The following SPON1 variants were observed in gnomAD, a reference collection of about 807,000 sequenced individuals.
The protein encoded by SPON1 is spondin-1.
In SPON1, 52 loss-of-function variants were observed where a neutral mutation model predicts 111.7. That is an observed-to-expected ratio of 0.47 (90% CI 0.37 to 0.59). SPON1 has a LOEUF of 0.59. Among genes scored for constraint, SPON1 ranks in the 20% least tolerant of loss-of-function variants. The pLI, the probability that SPON1 is intolerant of heterozygous loss-of-function variation, is 0.00. For synonymous variants in SPON1, 410 were observed against 395.8 expected, an observed-to-expected ratio of 1.04 and a Z score of -0.43; for missense variants, 957 against 1,068.5, an observed-to-expected ratio of 0.90 and a Z score of 1.46.
chr11:14,053,645 A>G lies in SPON1; in HGVS notation c.479+11991A>G, dbSNP rs146660487. On this transcript the variant is annotated intron_variant, in intron 3 of 15. Coordinates refer to ENST00000576479, the MANE Select transcript of SPON1 (RefSeq NM_006108.4). ...TTCCTACATTAACTTTTCAGTCCCT[A>G]TTTTTTTAACCAGGAGATAATTGGC... is the stretch of plus-strand genomic sequence containing the variant. Among the ~76,000 whole-genome samples, 76 of 152,270 alleles carry G rather than the reference A, an allele frequency of 5.0e-4. 1 individual carries two copies. The highest frequency in any genetic ancestry group is 1.7e-3 in the African/African-American group (71 of 41,554).
At chr11:14,078,203 ATG>A (rs1175317078) in intron 4 of SPON1, among the ~76,000 whole-genome samples, 1 of 152,240 alleles carries the variant, frequency 6.6e-6, no homozygotes, top group African/African-American at 2.4e-5. Context: ...GAGCTTAAAA[ATG>A]TATTTTTCAA....
chr11:14,013,893 C>A (rs1848424143), intron 2 of SPON1, among the ~76,000 whole-genome samples: 1 of 152,170 alleles, frequency 6.6e-6, no homozygotes, highest in Non-Finnish European at 1.5e-5. Flanking sequence ...TTTCCCAAAC[C>A]TGTAGGGTGT....
At chr11:14,192,208 G>C (rs1554934628) in intron 6 of SPON1, among the ~76,000 whole-genome samples, 1 of 150,182 alleles carries the variant, frequency 6.7e-6, no homozygotes, top group African/African-American at 2.5e-5. Flanking sequence ...TAAAAATATT[G>C]GTAACAACTT....
chr11:13,970,339 G>A (rs781905776), intron 1 of SPON1, among the ~76,000 whole-genome samples: 1 of 152,154 alleles, frequency 6.6e-6, no homozygotes, highest in Admixed American at 6.5e-5. Context: ...GAAATGTTCA[G>A]GAAAACTTAA....
At chr11:14,234,061 C>T (rs1554939008) in intron 6 of SPON1, among the ~76,000 whole-genome samples, 1 of 152,142 alleles carries the variant, frequency 6.6e-6, no homozygotes, top group African/African-American at 2.4e-5. Flanking sequence ...ACCCGACCCC[C>T]AGTGCTGTTT....
chr11:14,232,215 A>C (rs1591420375), intron 6 of SPON1, among the ~76,000 whole-genome samples: 1 of 149,090 alleles, frequency 6.7e-6, no homozygotes, highest in African/African-American at 2.5e-5. Context: ...CCTCCCCCTC[A>C]CCCTTCCCGG....
At chr11:14,109,148 C>A (rs983401867) in intron 5 of SPON1, among the ~76,000 whole-genome samples, 1 of 152,188 alleles carries the variant, frequency 6.6e-6, no homozygotes, top group African/African-American at 2.4e-5. Context: ...CTTTACAACT[C>A]TTTGTGCCCT....
At chr11:13,989,822 G>A (rs1848213555) in intron 2 of SPON1, among the ~76,000 whole-genome samples, 2 of 152,170 alleles carry the variant, frequency 1.3e-5, no homozygotes, top group Admixed American at 1.3e-4. Context: ...TCATTCAGGA[G>A]CACGTTGTTC....
intron 5 of SPON1, among the ~76,000 whole-genome samples, chr11:14,119,624 G>A (rs1554926303): frequency 6.6e-6 from 1 of 152,160 alleles, no homozygotes; most frequent in East Asian, 1.9e-4. Flanking sequence ...GGAGGTGGAT[G>A]GAGAGTCTGT....
intron 1 of SPON1, among the ~76,000 whole-genome samples, chr11:13,966,005 G>C (rs896640952): frequency 4.6e-5 from 7 of 152,154 alleles, no homozygotes; most frequent in African/African-American, 1.2e-4. Flanking sequence ...CTTTGTGCCT[G>C]CTGTCTAAGT....
chr11:14,172,025 G>C (rs2133882377), intron 6 of SPON1, among the ~76,000 whole-genome samples: 1 of 152,322 alleles, frequency 6.6e-6, no homozygotes, highest in African/African-American at 2.4e-5. Context: ...GTGCAGAGCT[G>C]AGTTCAATTC....
At chr11:14,263,056 A>T in intron 15 of SPON1, 81 bp downstream of exon 15, 23 of 895,010 alleles carry the variant, frequency 2.6e-5, no homozygotes, top group Middle Eastern at 4.4e-4. Context: ...ACCTGTTTAA[A>T]AAAAAAAAAA....
chr11:14,149,371 T>A (rs781839961), intron 6 of SPON1, among the ~76,000 whole-genome samples: 1 of 152,240 alleles, frequency 6.6e-6, no homozygotes, highest in African/African-American at 2.4e-5. Context: ...ATGAAAACAT[T>A]CTTGTACAAC....
intron 6 of SPON1, among the ~76,000 whole-genome samples, chr11:14,215,819 A>G (rs1180687894): frequency 2.6e-5 from 4 of 152,186 alleles, no homozygotes; most frequent in Non-Finnish European, 5.9e-5. Context: ...CTGGTGGTCT[A>G]TTTCTGCCAG....
At chr11:13,977,957 G>A (rs944940820) in intron 1 of SPON1, among the ~76,000 whole-genome samples, 117 of 152,004 alleles carry the variant, frequency 7.7e-4, no homozygotes, top group African/African-American at 2.8e-3. Flanking sequence ...GATGTATTAG[G>A]TTGGTGTGAA....
chr11:14,202,785 G>A (rs1848477174), intron 6 of SPON1, among the ~76,000 whole-genome samples: 1 of 152,048 alleles, frequency 6.6e-6, no homozygotes, highest in Non-Finnish European at 1.5e-5. Flanking sequence ...ACTCTCAGAG[G>A]GTAATCACTT....
At chr11:13,982,739 G>C in intron 1 of SPON1, 108 bp from the exon 2 acceptor site, 1 of 753,434 alleles carries the variant, frequency 1.3e-6, no homozygotes, top group Non-Finnish European at 2.3e-6. Context: ...CACGGCCTCT[G>C]TAACTCACAG....
chr11:14,097,975 CTAATTTTTT>C, intron 5 of SPON1, among the ~76,000 whole-genome samples: 1 of 152,150 alleles, frequency 6.6e-6, no homozygotes, highest in South Asian at 2.1e-4. Flanking sequence ...ATGTACACTT[CTAATTTTTT>C]TAATGGGTGT....
chr11:14,035,580 C>T (rs1206478218), intron 2 of SPON1, among the ~76,000 whole-genome samples: 1 of 150,642 alleles, frequency 6.6e-6, no homozygotes, highest in African/African-American at 2.4e-5. Context: ...CCAGGAACCT[C>T]ACAACAAAAG....
Sources: allele counts gnomAD v4.1 joint callset (sites outside exome capture counted in the v4.1 genomes callset), GRCh38; gene constraint gnomAD v4.1.1; transcripts MANE v1.5; gene names NCBI Gene and HGNC (gene_info 2026-07-23, HGNC 2026-07-21).